GAN: variants seen among roughly 807,000 people sequenced by gnomAD.
GAN encodes epididymis secretory sperm binding protein.
GAN carries 48 observed loss-of-function variants against 71.3 expected under a neutral mutation model. The ratio of observed to expected loss-of-function variants is 0.67; its 90% CI spans 0.53 to 0.86. GAN has a LOEUF of 0.86. Among genes scored for constraint, GAN ranks in the 40% least tolerant of loss-of-function variants. The probability of loss-of-function intolerance (pLI) is 0.00; values close to 1 mark genes in which losing one functional copy is unlikely to be tolerated. For synonymous variants in GAN, 386 were observed against 276.8 expected (o/e 1.39, Z -3.92); for missense variants, 928 against 770.1 (o/e 1.21, Z -2.43).
At chr16:81,369,323 T>A (rs1458436080) in intron 9 of GAN, among the ~76,000 whole-genome samples, 1 of 152,082 alleles carries the variant, frequency 6.6e-6, no homozygotes, top group Non-Finnish European at 1.5e-5. Context: ...CCAGAAACAA[T>A]ACTGCATCCT....
At chr16:81,344,913 G>C (rs1301687526) in intron 1 of GAN, among the ~76,000 whole-genome samples, 1 of 151,964 alleles carries the variant, frequency 6.6e-6, no homozygotes, top group Non-Finnish European at 1.5e-5. Flanking sequence ...CAAGAAAAAA[G>C]CAAACAACCC....
chr16:81,367,242 G>C (rs542458943), intron 9 of GAN, among the ~76,000 whole-genome samples: 1 of 152,060 alleles, frequency 6.6e-6, no homozygotes, highest in Non-Finnish European at 1.5e-5. Context: ...AGCACTTCTC[G>C]CCAGGTGCAC....
At position 81,378,828 on chromosome 16, in the gene GAN, C is replaced by G. The variant is rs1179129975; in HGVS notation, c.*1232C>G. On this transcript the variant is annotated 3_prime_UTR_variant, in exon 11 of 11. Transcript: ENST00000648994. ...TATCTCTCATTCTCACCTCAACCCA[C>G]TTTACCCCACTTCTCATTGGGGGAA... The G allele has an allele frequency of 6.6e-6, 1 of 152,606 alleles. No homozygotes were observed. The highest frequency in any genetic ancestry group is 1.5e-5 in the Non-Finnish European group (1 of 68,028). 9.5% of individuals were successfully genotyped at this position (152,606 alleles called of 1,614,324 possible). A position where few individuals can be genotyped will look rare whatever the true frequency, so the allele number is the denominator to read the frequency against.
intron 1 of GAN, among the ~76,000 whole-genome samples, chr16:81,334,958 C>T (rs1909706542): frequency 6.6e-6 from 1 of 152,102 alleles, no homozygotes; most frequent in African/African-American, 2.4e-5. Context: ...AACAAAGTCA[C>T]TATTTTCATG....
chr16:81,324,979 C>T (rs1597389153), intron 1 of GAN, among the ~76,000 whole-genome samples: 1 of 152,134 alleles, frequency 6.6e-6, no homozygotes, highest in East Asian at 1.9e-4. Flanking sequence ...AGACATTTGG[C>T]ACCAGGACAT....
chr16:81,336,573 C>A (rs1909768931), intron 1 of GAN, among the ~76,000 whole-genome samples: 1 of 152,074 alleles, frequency 6.6e-6, no homozygotes, highest in African/African-American at 2.4e-5. Flanking sequence ...AAGCGATCCT[C>A]CCACCTCAGC....
intron 9 of GAN, among the ~76,000 whole-genome samples, chr16:81,368,033 T>A (rs1216354937): frequency 2.0e-5 from 3 of 152,258 alleles, no homozygotes; most frequent in Non-Finnish European, 2.9e-5. Context: ...TTGGAGACCA[T>A]GTCGATTGTT....
intron 1 of GAN, among the ~76,000 whole-genome samples, chr16:81,318,037 C>T (rs141660804): frequency 1.7e-3 from 254 of 152,306 alleles, no homozygotes; most frequent in South Asian, 7.9e-3. Context: ...GAATCTGTAT[C>T]ACTAACTAGA....
chr16:81,324,491 A>G (rs1362059723), intron 1 of GAN, among the ~76,000 whole-genome samples: 1 of 152,102 alleles, frequency 6.6e-6, no homozygotes, highest in Non-Finnish European at 1.5e-5. Flanking sequence ...CACCAGGACT[A>G]GGTCAGGCCT....
intron 1 of GAN, among the ~76,000 whole-genome samples, chr16:81,349,406 T>G (rs1341473273): frequency 1.3e-5 from 2 of 152,150 alleles, no homozygotes; most frequent in Admixed American, 6.5e-5. Context: ...CGCAGCACTT[T>G]GGGAGGCTGA....
rs1904311184 is a variant in GAN, at chr16:81,382,634, GA to G, written c.*5041del. On this transcript the variant is annotated 3_prime_UTR_variant, in exon 11 of 11. Coordinates refer to ENST00000648994, the MANE Select transcript of GAN (RefSeq NM_022041.4). ...CTCTTTACTCTGTCTGTAGTTTTGA[GA>G]AATTACAGAAATTCATAGTATAAGG... 1 of 152,134 alleles carries G rather than the reference GA, an allele frequency of 6.6e-6. No individual in the cohort carries two copies. The highest frequency in any genetic ancestry group is 1.5e-5 in the Non-Finnish European group (1 of 68,030). The allele number at this position is 152,134 out of a possible 1,614,324, so 9.4% of individuals were successfully genotyped here.
At chr16:81,374,724 C>G (rs1450985767) in intron 9 of GAN, among the ~76,000 whole-genome samples, 1 of 152,212 alleles carries the variant, frequency 6.6e-6, no homozygotes, top group African/African-American at 2.4e-5. Context: ...TTAAGCACTT[C>G]CTATCTGGCA....
chr16:81,364,689 T>A (rs1299376818), intron 7 of GAN, among the ~76,000 whole-genome samples: 3 of 152,074 alleles, frequency 2.0e-5, no homozygotes, highest in Non-Finnish European at 2.9e-5. Flanking sequence ...ACCCTGTCTC[T>A]AATAAATAAA....
intron 9 of GAN, among the ~76,000 whole-genome samples, chr16:81,372,589 G>C (rs62046503): frequency 0.018 from 2,773 of 152,238 alleles, 30 homozygotes; most frequent in Non-Finnish European, 0.028. Context: ...TCACCTACGC[G>C]TATTTTTCTG....
intron 10 of GAN, 39 bp from the exon 11 acceptor site, chr16:81,377,376 G>A: frequency 6.3e-7 from 1 of 1,599,082 alleles, no homozygotes; most frequent in Non-Finnish European, 8.6e-7. Flanking sequence ...TGGTGATTCT[G>A]GGTACATTTT....
intron 2 of GAN, among the ~76,000 whole-genome samples, chr16:81,353,411 A>G (rs1268428467): frequency 1.3e-5 from 2 of 152,184 alleles, no homozygotes; most frequent in African/African-American, 4.8e-5. Flanking sequence ...AAGAGTCTAC[A>G]GCTGCCTGCT....
At chr16:81,353,197 A>G (rs1243531551) in intron 2 of GAN, among the ~76,000 whole-genome samples, 2 of 150,114 alleles carry the variant, frequency 1.3e-5, no homozygotes, top group Non-Finnish European at 1.5e-5. Flanking sequence ...AGGCTGAGGC[A>G]GGAGAATGGC....
intron 1 of GAN, among the ~76,000 whole-genome samples, chr16:81,340,896 A>G (rs1909919828): frequency 1.3e-5 from 2 of 152,060 alleles, no homozygotes; most frequent in Admixed American, 6.6e-5. Flanking sequence ...AAGCGTTCAA[A>G]AAGGGTTAGA....
In GAN at chr16:81,386,709, G is replaced by C. The variant is rs1023290788; in HGVS notation, c.*9113G>C. On this transcript the variant is annotated 3_prime_UTR_variant, in exon 11 of 11. Transcript: ENST00000648994. ...CGCCTGTAATCCCAGGACTTTGGGA[G>C]GCCAAGGCGGGCAGATCACCTGAGG... 3 of 152,414 alleles carry C rather than the reference G, an allele frequency of 2.0e-5. No homozygotes were observed. Among genetic ancestry groups the C allele is most frequent in the African/African-American group, 7.2e-5 (3 of 41,584 alleles). The allele number at this position is 152,414 out of a possible 1,614,324, so 9.4% of individuals were successfully genotyped here.
Sources: allele counts gnomAD v4.1 joint callset (sites outside exome capture counted in the v4.1 genomes callset), GRCh38; gene constraint gnomAD v4.1.1; transcripts MANE v1.5; gene names NCBI Gene and HGNC (gene_info 2026-07-23, HGNC 2026-07-21).